ARHGEF7: variants seen among roughly 807,000 people sequenced by gnomAD.
The protein encoded by ARHGEF7 is Rho guanine nucleotide exchange factor 7.
Under a neutral mutation model 109.8 loss-of-function variants are expected in ARHGEF7, and 33 were observed. The ratio of observed to expected loss-of-function variants is 0.30; its 90% CI spans 0.23 to 0.40. The LOEUF (loss-of-function observed/expected upper bound fraction) is 0.40, where lower values mean the gene tolerates loss of function less well. Among genes scored for constraint, ARHGEF7 ranks in the 10% least tolerant of loss-of-function variants. The pLI, the probability that ARHGEF7 is intolerant of heterozygous loss-of-function variation, is 1.00. For synonymous variants in ARHGEF7, 458 were observed against 424.6 expected (o/e 1.08, Z -0.97); for missense variants, 938 against 1,098.5 (o/e 0.85, Z 2.07).
intron 2 of ARHGEF7, among the ~76,000 whole-genome samples, chr13:111,180,782 A>G (rs1436348983): frequency 1.3e-5 from 2 of 152,230 alleles, no homozygotes; most frequent in African/African-American, 4.8e-5. Context: ...ACACCTGGAA[A>G]TTTAATCTTT....
chr13:111,293,333 C>A, intron 19 of ARHGEF7: 1 of 985,136 alleles, frequency 1.0e-6, no homozygotes, highest in Non-Finnish European at 1.2e-6. Context: ...TGCAGTGAAA[C>A]TCCATTTACA....
chr13:111,247,021 G>C (rs967141663), intron 8 of ARHGEF7, among the ~76,000 whole-genome samples: 5 of 152,158 alleles, frequency 3.3e-5, no homozygotes, highest in Admixed American at 2.6e-4. Context: ...TATGGCTTAG[G>C]TATTATTTTG....
At chr13:111,190,234 A>C (rs1431582879) in intron 2 of ARHGEF7, among the ~76,000 whole-genome samples, 1 of 152,178 alleles carries the variant, frequency 6.6e-6, no homozygotes, top group Non-Finnish European at 1.5e-5. Context: ...AAGGCGAGTA[A>C]TAGCAAGATG....
chr13:111,125,226 A>T (rs2067480060), intron 1 of ARHGEF7, among the ~76,000 whole-genome samples: 1 of 152,130 alleles, frequency 6.6e-6, no homozygotes, highest in South Asian at 2.1e-4. Context: ...GAATATATGA[A>T]TGAATATCCA....
At chr13:111,226,222 T>A (rs2085191652) in intron 5 of ARHGEF7, among the ~76,000 whole-genome samples, 1 of 152,190 alleles carries the variant, frequency 6.6e-6, no homozygotes, top group Non-Finnish European at 1.5e-5. Flanking sequence ...GAAAAAGAGT[T>A]TGAAGCTAAT....
At chr13:111,207,971 G>A (rs1014890478) in intron 3 of ARHGEF7, among the ~76,000 whole-genome samples, 2 of 152,206 alleles carry the variant, frequency 1.3e-5, no homozygotes, top group African/African-American at 2.4e-5. Context: ...ACCCCTCCTA[G>A]ATGGAAGGAA....
At chr13:111,121,867 C>T (rs2153320047) in intron 1 of ARHGEF7, among the ~76,000 whole-genome samples, 1 of 152,116 alleles carries the variant, frequency 6.6e-6, no homozygotes, top group South Asian at 2.1e-4. Context: ...GAATGATATC[C>T]ACTGGTGGGG....
In ARHGEF7 at chr13:111,228,328, C is replaced by T. The variant is rs530373851; in HGVS notation, c.671-4877C>T. On this transcript the variant is annotated intron_variant, in intron 5 of 21. Transcript: ENST00000646102. This position sits in a 1 kb window ranked among gnomAD's most constrained non-coding sequence, Gnocchi z 4.6. ...GATACTATTTAAAAATTATTAATAT[C>T]GTCAGGTGTGATAATGGTCTGAGGT... Among the ~76,000 whole-genome samples the T allele has an allele frequency of 6.6e-6, 1 of 152,248 alleles. No individual in the cohort carries two copies. The highest frequency in any genetic ancestry group is 2.1e-4 in the South Asian group (1 of 4,816).
chr13:111,215,472 T>C (rs1032479044), intron 4 of ARHGEF7, among the ~76,000 whole-genome samples: 4 of 151,978 alleles, frequency 2.6e-5, no homozygotes, highest in African/African-American at 9.7e-5. Context: ...TTGACCTGCA[T>C]AAATGCCTAG....
At chr13:111,166,502 C>T (rs1009854288) in intron 2 of ARHGEF7, among the ~76,000 whole-genome samples, 5 of 152,218 alleles carry the variant, frequency 3.3e-5, no homozygotes, top group Admixed American at 2.0e-4. Context: ...GGCACCAATC[C>T]GGGTGACCTC....
chr13:111,186,214 T>C (rs1381355527), intron 2 of ARHGEF7, among the ~76,000 whole-genome samples: 2 of 152,090 alleles, frequency 1.3e-5, no homozygotes, highest in Non-Finnish European at 2.9e-5. Flanking sequence ...CTGCCTGCCT[T>C]CCCGTTGCTG....
intron 2 of ARHGEF7, among the ~76,000 whole-genome samples, chr13:111,190,812 C>T (rs2079797586): frequency 6.6e-6 from 1 of 152,094 alleles, no homozygotes; most frequent in Non-Finnish European, 1.5e-5. Context: ...AAGAATACAT[C>T]TTGGCTGGGT....
chr13:111,223,507 A>G (rs1383461976), intron 5 of ARHGEF7, among the ~76,000 whole-genome samples: 2 of 152,226 alleles, frequency 1.3e-5, no homozygotes, highest in Non-Finnish European at 2.9e-5. Flanking sequence ...TTATCTCCAG[A>G]TAAATTGACC....
At chr13:111,241,190 C>T (rs907747125) in intron 6 of ARHGEF7, 27 of 1,536,014 alleles carry the variant, frequency 1.8e-5, no homozygotes, top group Non-Finnish European at 2.0e-5. Flanking sequence ...CACTGTGGGT[C>T]GTAAAAGCTG....
At chr13:111,119,216 G>A (rs994424534) in intron 1 of ARHGEF7, among the ~76,000 whole-genome samples, 2 of 152,184 alleles carry the variant, frequency 1.3e-5, no homozygotes, top group African/African-American at 4.8e-5. Context: ...TGCATTAGGG[G>A]CACCCTACCC....
chr13:111,129,643 G>A (rs1037072769), intron 1 of ARHGEF7, among the ~76,000 whole-genome samples: 2 of 152,142 alleles, frequency 1.3e-5, no homozygotes, highest in African/African-American at 2.4e-5. Flanking sequence ...CAGTCATTAG[G>A]GAAGTGGAAA....
At chr13:111,221,311 C>A (rs867102185) in intron 5 of ARHGEF7, among the ~76,000 whole-genome samples, 2 of 19,624 alleles carry the variant, frequency 1.0e-4, no homozygotes, top group South Asian at 2.6e-3. Context: ...CTATATATAT[C>A]TATATATAGA....
At chr13:111,277,480 C>T (rs1442751867) in intron 12 of ARHGEF7, 107 bp from the exon 13 acceptor site, 5 of 663,964 alleles carry the variant, frequency 7.5e-6, no homozygotes, top group Non-Finnish European at 1.0e-5. Context: ...CGAGAAATAT[C>T]ATGTAATGTT....
At chr13:111,175,801 A>G (rs1374677674) in intron 2 of ARHGEF7, among the ~76,000 whole-genome samples, 3 of 152,174 alleles carry the variant, frequency 2.0e-5, no homozygotes, top group Non-Finnish European at 4.4e-5. Context: ...AGACTGGGTA[A>G]TTTATAAAGG....
Sources: gnomAD v4.1 joint callset for allele counts (sites outside exome capture counted in the v4.1 genomes callset) on GRCh38, gnomAD v4.1.1 for gene constraint, Gnocchi (gnomAD v3.1) non-coding constraint, MANE v1.5 for transcripts, NCBI Gene and HGNC (gene_info 2026-07-23, HGNC 2026-07-21) for gene names.